The following WDHD1 variants were observed in gnomAD, a reference collection of about 807,000 sequenced individuals.
WDHD1 encodes the protein WD repeat and HMG-box DNA-binding protein 1.
A neutral mutation model predicts 135.4 loss-of-function variants in WDHD1; 111 were observed. That is an observed-to-expected ratio of 0.82 (90% CI 0.70 to 0.96). The LOEUF (loss-of-function observed/expected upper bound fraction) is 0.96. Ranked by LOEUF, WDHD1 falls within the 40% of genes least tolerant of loss-of-function variation. The pLI, the probability that WDHD1 is intolerant of heterozygous loss-of-function variation, is 0.00. For synonymous variants in WDHD1, 434 were observed against 439.0 expected (o/e 0.99, Z 0.14); for missense variants, 1,351 against 1,336.3 (o/e 1.01, Z -0.17).
chr14:54,940,435 A>T lies in WDHD1; in HGVS notation c.*1055T>A, dbSNP rs1049272415. On this transcript the variant is annotated 3_prime_UTR_variant, in exon 26 of 26. Coordinates refer to ENST00000360586, the MANE Select transcript of WDHD1 (RefSeq NM_007086.4). ...GTTCATTTATGTCTAAATTTTCAAC[A>T]TACTTTTTCCCTTTCAACCTATTAA... is the stretch of plus-strand genomic sequence containing the variant. 4 of 152,180 alleles carry T rather than the reference A, an allele frequency of 2.6e-5. No individual in the cohort carries two copies. The highest frequency in any genetic ancestry group is 9.6e-5 in the African/African-American group (4 of 41,452). The allele number at this position is 152,180 out of a possible 1,614,324, so 9.4% of individuals were successfully genotyped here. A position where few individuals can be genotyped will look rare whatever the true frequency, so the allele number is the denominator to read the frequency against.
chr14:54,988,622 A>C (rs918224740), intron 13 of WDHD1, among the ~76,000 whole-genome samples: 2 of 152,128 alleles, frequency 1.3e-5, no homozygotes, highest in Non-Finnish European at 2.9e-5. Flanking sequence ...TCAAATTGTA[A>C]ATAGCAGTTA....
intron 20 of WDHD1, 88 bp from the exon 21 acceptor site, chr14:54,962,639 A>T (rs2041270337): frequency 6.5e-7 from 1 of 1,536,912 alleles, no homozygotes; most frequent in African/African-American, 1.4e-5. Context: ...AGAGGTCTGA[A>T]AAAAAGTATG....
intron 21 of WDHD1, among the ~76,000 whole-genome samples, chr14:54,961,380 C>T (rs2140166044): frequency 6.6e-6 from 1 of 152,244 alleles, no homozygotes; most frequent in Non-Finnish European, 1.5e-5. Flanking sequence ...CTACACAGAT[C>T]TGCATGACTT....
Position 54,982,195 on chromosome 14 carries a change from G to C in WDHD1, c.1907-499C>G, listed in dbSNP as rs374239564. On this transcript the variant is annotated intron_variant, in intron 15 of 25. Transcript: ENST00000360586. Reference sequence around the variant, plus strand: ...CTAATTTTTTTTTGTATTTTTAGTAGAGACGGGGTTTCACCATGTTAGCCA... The same window carrying C: ...CTAATTTTTTTTTGTATTTTTAGTACAGACGGGGTTTCACCATGTTAGCCA... Among the ~76,000 whole-genome samples the C allele has an allele frequency of 1.8e-3, 269 of 151,830 alleles. 1 individual carries two copies. Among genetic ancestry groups the C allele is most frequent in the African/African-American group, 6.3e-3 (261 of 41,438 alleles).
chr14:55,006,864 T>C lies in WDHD1; in HGVS notation c.600+416A>G, dbSNP rs1035438928. Among the ~76,000 whole-genome samples the C allele has an allele frequency of 1.3e-5, 2 of 152,146 alleles. 1 individual carries two copies. The highest frequency in any genetic ancestry group is 1.3e-4 in the Admixed American group (2 of 15,270). On this transcript the variant is annotated intron_variant, in intron 7 of 25. Transcript: ENST00000360586. ...TACTCTAAAATTTATAATCCAAATT[T>C]TTAAAAAGTAATTAAAAAAACTATT... is the stretch of plus-strand genomic sequence containing the variant.
intron 16 of WDHD1, among the ~76,000 whole-genome samples, chr14:54,974,044 C>T (rs112304372): frequency 2.6e-5 from 4 of 151,108 alleles, no homozygotes; most frequent in African/African-American, 9.7e-5. Context: ...TTGATGACGA[C>T]GGAGTTTCCT....
In WDHD1 at chr14:55,000,556, G is replaced by T. The variant is rs1438279308; in HGVS notation, c.889C>A (p.Leu297Ile). The change falls in exon 10 of 26, where the codon CTA becomes ATA. Residue 297 changes from leucine to isoleucine, a missense_variant. Transcript: ENST00000360586. ...TCACAAACATTCTCTAGAAGCCCTA[G>T]ATTTCCTTCCGCATCAGTATACGAT... ...RISYTDAEGNLGLLENVCDPS... is the reference protein window; with the variant it reads ...RISYTDAEGNIGLLENVCDPS... 3.7e-6 allele frequency: 6 copies of T among 1,609,238 alleles called. No homozygotes were observed. Among genetic ancestry groups the T allele is most frequent in the Non-Finnish European group, 5.1e-6 (6 of 1,177,546 alleles).
chr14:54,945,037 C>T (rs2040900752), intron 24 of WDHD1, among the ~76,000 whole-genome samples: 1 of 152,212 alleles, frequency 6.6e-6, no homozygotes, highest in African/African-American at 2.4e-5. Context: ...GTACTTTCAA[C>T]TTTTTAATGA....
At chr14:55,016,940 A>G (rs2042270523) in intron 2 of WDHD1, among the ~76,000 whole-genome samples, 1 of 152,244 alleles carries the variant, frequency 6.6e-6, no homozygotes, top group Non-Finnish European at 1.5e-5. Flanking sequence ...ATAGACAGCA[A>G]AAGAACTTTC....
chr14:55,019,414 C>T (rs941879184), intron 2 of WDHD1, among the ~76,000 whole-genome samples: 2 of 152,218 alleles, frequency 1.3e-5, no homozygotes, highest in African/African-American at 2.4e-5. Flanking sequence ...AATGTATTCA[C>T]GTATTTTGAA....
intron 7 of WDHD1, among the ~76,000 whole-genome samples, chr14:55,003,411 G>A (rs2140216652): frequency 6.6e-6 from 1 of 151,898 alleles, no homozygotes; most frequent in Non-Finnish European, 1.5e-5. Flanking sequence ...CTCGGGTTGG[G>A]GGCTGAGGTG....
intron 7 of WDHD1, 25 bp downstream of exon 7, chr14:55,007,253 AAG>A (rs767427987): frequency 6.5e-7 from 1 of 1,527,204 alleles, no homozygotes; most frequent in Non-Finnish European, 8.8e-7. Context: ...AAAAAAAGAA[AAG>A]AAAAGAAAAA....
chr14:54,997,809 G>A (rs1212948761), intron 10 of WDHD1, among the ~76,000 whole-genome samples: 1 of 151,936 alleles, frequency 6.6e-6, no homozygotes, highest in African/African-American at 2.4e-5. Flanking sequence ...TACTCAGGAG[G>A]CTGAGGCAGG....
intron 4 of WDHD1, among the ~76,000 whole-genome samples, chr14:55,009,025 G>A (rs1322382850): frequency 3.3e-5 from 5 of 152,058 alleles, no homozygotes; most frequent in Non-Finnish European, 5.9e-5. Context: ...TTGAACTCCC[G>A]ACCTTGTGAT....
At chr14:55,004,293 T>C (rs1294188735) in intron 7 of WDHD1, among the ~76,000 whole-genome samples, 1 of 152,216 alleles carries the variant, frequency 6.6e-6, no homozygotes, top group Non-Finnish European at 1.5e-5. Context: ...TTTGGTTCTA[T>C]TTATCTCTTT....
At chr14:54,972,068 C>G (rs1383774049) in intron 16 of WDHD1, among the ~76,000 whole-genome samples, 2 of 151,402 alleles carry the variant, frequency 1.3e-5, no homozygotes, top group African/African-American at 2.4e-5. Context: ...GTCAGGAAAT[C>G]GAGACCATCC....
intron 2 of WDHD1, among the ~76,000 whole-genome samples, chr14:55,022,855 G>A (rs2042373353): frequency 4.5e-5 from 6 of 134,106 alleles, no homozygotes; most frequent in Admixed American, 3.3e-4. Flanking sequence ...ATGGAGTTTC[G>A]CTCTTGATCC....
intron 2 of WDHD1, among the ~76,000 whole-genome samples, chr14:55,025,368 A>C (rs1399654950): frequency 1.3e-5 from 2 of 151,390 alleles, no homozygotes; most frequent in African/African-American, 4.9e-5. Context: ...GGGATCCTCC[A>C]TATGCTGAAC....
intron 7 of WDHD1, chr14:55,005,417 G>A: frequency 1.8e-6 from 1 of 569,400 alleles, no homozygotes; most frequent in Admixed American, 1.9e-5. Flanking sequence ...AGTGGCAGCA[G>A]CAAACTTCAG....
Sources: gnomAD v4.1 joint callset for allele counts (sites outside exome capture counted in the v4.1 genomes callset) on GRCh38, gnomAD v4.1.1 for gene constraint, MANE v1.5 for transcripts, NCBI Gene and HGNC (gene_info 2026-07-23, HGNC 2026-07-21) for gene names.